GLIS3: variants seen among roughly 807,000 people sequenced by gnomAD.
GLIS3 encodes zinc finger protein GLIS3.
Under a neutral mutation model 78.6 loss-of-function variants are expected in GLIS3, and 53 were observed. The ratio of observed to expected loss-of-function variants is 0.67; its 90% CI spans 0.54 to 0.85. The LOEUF is 0.85. Ranked by LOEUF, GLIS3 falls within the 40% of genes least tolerant of loss-of-function variation. The pLI, the probability that GLIS3 is intolerant of heterozygous loss-of-function variation, is 0.00. For synonymous variants in GLIS3, 684 were observed against 509.9 expected, an observed-to-expected ratio of 1.34 and a Z score of -4.60; for missense variants, 1,703 against 1,231.1, an observed-to-expected ratio of 1.38 and a Z score of -5.74.
chr9:3,858,453 C>T (rs1285469862), intron 8 of GLIS3, among the ~76,000 whole-genome samples: 1 of 152,020 alleles, frequency 6.6e-6, no homozygotes, highest in African/African-American at 2.4e-5. Context: ...TAGGTACAAA[C>T]CATGGTTTTA....
chr9:4,387,945 G>C, the GLIS3 span, among the ~76,000 whole-genome samples: 1 of 152,262 alleles, frequency 6.6e-6, no homozygotes, highest in South Asian at 2.1e-4. Flanking sequence ...GTGGAAAAAC[G>C]ACCTAACAAA....
chr9:4,459,950 A>G, the GLIS3 span, among the ~76,000 whole-genome samples: 2 of 152,248 alleles, frequency 1.3e-5, no homozygotes, highest in Admixed American at 1.3e-4. Context: ...AGAGGGAATG[A>G]CACAGATGAC....
chr9:3,837,762 A>C (rs1376984208), intron 9 of GLIS3, among the ~76,000 whole-genome samples: 2 of 152,234 alleles, frequency 1.3e-5, no homozygotes, highest in African/African-American at 4.8e-5. Flanking sequence ...TGGTTTCCAC[A>C]GGTTGGGGGG....
At chr9:4,333,726 C>T (rs1182196431) in intron 2 of GLIS3, among the ~76,000 whole-genome samples, 1 of 150,736 alleles carries the variant, frequency 6.6e-6, no homozygotes, top group Admixed American at 6.6e-5. Context: ...AATTGTGAAG[C>T]AATGTGATGC....
chr9:4,312,869 C>T (rs1454737274), intron 2 of GLIS3, among the ~76,000 whole-genome samples: 1 of 152,224 alleles, frequency 6.6e-6, no homozygotes, highest in Non-Finnish European at 1.5e-5. Flanking sequence ...CTTACTCAGG[C>T]CAGGCATGTT....
chr9:4,388,299 G>A, the GLIS3 span, among the ~76,000 whole-genome samples: 8 of 152,036 alleles, frequency 5.3e-5, no homozygotes, highest in Admixed American at 2.0e-4. Context: ...CTGTGAACTC[G>A]GGAAAAGCTG....
At chr9:3,879,144 C>T (rs192714208) in intron 8 of GLIS3, among the ~76,000 whole-genome samples, 27 of 152,174 alleles carry the variant, frequency 1.8e-4, no homozygotes, top group Non-Finnish European at 3.5e-4. Context: ...CTGAAACAGA[C>T]CGATGAAAGG....
the GLIS3 span, among the ~76,000 whole-genome samples, chr9:4,396,952 A>T: frequency 6.6e-6 from 1 of 151,376 alleles, no homozygotes. Flanking sequence ...ACCTTTTCCT[A>T]AGCAGCTTCT....
chr9:4,059,829 T>TGTGTGTGAGAGAGA lies in GLIS3; in HGVS notation c.1710+57938_1710+57939insTCTCTCTCACACAC. Among the ~76,000 whole-genome samples the TGTGTGTGAGAGAGA allele has an allele frequency of 2.1e-3, 213 of 100,708 alleles. 3 individuals carry two copies. Among genetic ancestry groups the TGTGTGTGAGAGAGA allele is most frequent in the South Asian group, 6.4e-3 (16 of 2,488 alleles). 66.1% of individuals were successfully genotyped at this position (100,708 alleles called of 152,430 possible). A position where few individuals can be genotyped will look rare whatever the true frequency, so the allele number is the denominator to read the frequency against. ...TTGTGTGTGTGTGTGTGTGTGTGTG[T>TGTGTGTGAGAGAGA]GAGAGAGAGAGAGAGAGAGAGAGAG... On this transcript the variant is annotated intron_variant, in intron 4 of 10. Transcript: ENST00000381971.
chr9:3,907,617 CACACACAG>C (rs779406153), intron 6 of GLIS3, among the ~76,000 whole-genome samples: 1,641 of 78,542 alleles, frequency 0.021, 45 homozygotes, highest in Middle Eastern at 0.083. Flanking sequence ...CACACACACA[CACACACAG>C]ACACACACAC....
At chr9:4,004,891 A>G (rs537924347) in intron 4 of GLIS3, among the ~76,000 whole-genome samples, 30 of 152,356 alleles carry the variant, frequency 2.0e-4, no homozygotes, top group Middle Eastern at 3.4e-3. Context: ...TCTATTATAT[A>G]TTGTTTCAAC....
intron 4 of GLIS3, among the ~76,000 whole-genome samples, chr9:3,986,103 T>C (rs1172167343): frequency 6.6e-6 from 1 of 152,226 alleles, no homozygotes; most frequent in African/African-American, 2.4e-5. Context: ...AAATTAAAAC[T>C]ACAAAATGCA....
At chr9:4,133,463 G>A (rs940972924) in intron 2 of GLIS3, among the ~76,000 whole-genome samples, 1 of 152,260 alleles carries the variant, frequency 6.6e-6, no homozygotes, top group South Asian at 2.1e-4. Flanking sequence ...CAGAAAAGTG[G>A]AAAAGATGGT....
the GLIS3 span, among the ~76,000 whole-genome samples, chr9:4,357,526 G>A: frequency 1.4e-5 from 2 of 147,446 alleles, no homozygotes; most frequent in Non-Finnish European, 1.5e-5. Flanking sequence ...TAGATCTCGG[G>A]ACTTTTCAGC....
At chr9:3,884,104 T>C (rs1226776620) in intron 7 of GLIS3, among the ~76,000 whole-genome samples, 1 of 152,250 alleles carries the variant, frequency 6.6e-6, no homozygotes, top group African/African-American at 2.4e-5. Context: ...CAGAGCATTC[T>C]AGGCTGGCAC....
intron 2 of GLIS3, among the ~76,000 whole-genome samples, chr9:4,332,307 G>C (rs940451293): frequency 2.6e-5 from 4 of 152,066 alleles, no homozygotes; most frequent in African/African-American, 9.7e-5. Flanking sequence ...TTGGAGGCAG[G>C]GACTGTTAAC....
intron 2 of GLIS3, among the ~76,000 whole-genome samples, chr9:4,129,738 C>A (rs1003722830): frequency 1.3e-5 from 2 of 152,064 alleles, no homozygotes; most frequent in African/African-American, 4.8e-5. Flanking sequence ...TATAGCAATG[C>A]GAGAACAGAC....
At chr9:4,335,970 G>A (rs1260796533) in intron 2 of GLIS3, among the ~76,000 whole-genome samples, 1 of 152,230 alleles carries the variant, frequency 6.6e-6, no homozygotes, top group African/African-American at 2.4e-5. Context: ...GACAGGTGAT[G>A]AAGAAGAAAG....
At chr9:4,162,333 T>A (rs925775561) in intron 2 of GLIS3, among the ~76,000 whole-genome samples, 2 of 152,164 alleles carry the variant, frequency 1.3e-5, no homozygotes, top group Non-Finnish European at 2.9e-5. Context: ...AAAAGTCACA[T>A]TCTGAGGTTC....
Sources: allele counts gnomAD v4.1 joint callset (sites outside exome capture counted in the v4.1 genomes callset), GRCh38; gene constraint gnomAD v4.1.1; transcripts MANE v1.5; gene names NCBI Gene and HGNC (gene_info 2026-07-23, HGNC 2026-07-21).